SRGAP2: variants seen among roughly 807,000 people sequenced by gnomAD.
The protein encoded by SRGAP2 is SLIT-ROBO Rho GTPase-activating protein 2.
In SRGAP2, 15 loss-of-function variants were observed where a neutral mutation model predicts 57.2. The observed-to-expected ratio is 0.26, with a 90% CI of 0.18 to 0.40. The LOEUF is 0.40. Ranked by LOEUF, SRGAP2 falls within the 10% of genes least tolerant of loss-of-function variation. The pLI is 1.00. For synonymous variants in SRGAP2, 249 were observed against 248.0 expected, an observed-to-expected ratio of 1.00 and a Z score of -0.04; for missense variants, 520 against 669.6, an observed-to-expected ratio of 0.78 and a Z score of 2.47.
intron 3 of SRGAP2, among the ~76,000 whole-genome samples, chr1:206,332,614 T>C (rs1553332267): frequency 7.0e-6 from 1 of 142,826 alleles, no homozygotes; most frequent in Non-Finnish European, 1.5e-5. Flanking sequence ...CTCCTGAGGC[T>C]TCTGCATTCT....
intron 13 of SRGAP2, among the ~76,000 whole-genome samples, chr1:206,424,828 C>G (rs1452918195): frequency 2.6e-5 from 4 of 152,136 alleles, no homozygotes; most frequent in African/African-American, 9.7e-5. Context: ...GCGTTCAAAG[C>G]CTTTGTGACT....
chr1:206,241,173 G>C (rs544201483), intron 2 of SRGAP2, among the ~76,000 whole-genome samples: 33 of 152,296 alleles, frequency 2.2e-4, no homozygotes, highest in African/African-American at 7.5e-4. Flanking sequence ...GAAAGAGCAA[G>C]ACCCTGTCTC....
At position 206,393,545 on chromosome 1, in the gene SRGAP2, C is replaced by T. The variant is rs782293627; in HGVS notation, c.703C>T (p.Arg235Cys). ...VKKIEKMKEK[R>C]QAKYTENKLK... ...AAGTGAACTTCTGTTTCCTTTTCAG[C>T]GTCAAGCCAAGTACACGGAGAATAA... The change falls in exon 7 of 23, where the codon CGT (arginine) becomes TGT (cysteine). Residue 235 changes from arginine (R) to cysteine (C), a missense_variant and splice_region_variant. Arg to Cys is a radical substitution (Grantham distance 180). Coordinates refer to ENST00000573034, the MANE Select transcript of SRGAP2 (RefSeq NM_015326.5). The T allele has an allele frequency of 2.6e-6, 2 of 779,100 alleles. No homozygotes were observed. Among genetic ancestry groups the T allele is most frequent in the Middle Eastern group, 2.3e-4 (1 of 4,432 alleles). 48.3% of individuals were successfully genotyped at this position (779,100 alleles called of 1,614,324 possible).
At chr1:206,428,437 A>C (rs1553367138) in intron 13 of SRGAP2, among the ~76,000 whole-genome samples, 1 of 151,562 alleles carries the variant, frequency 6.6e-6, no homozygotes, top group African/African-American at 2.4e-5. Context: ...AAAAAAAAAA[A>C]AGAAAAAGAA....
At chr1:206,241,009 C>A (rs1369351390) in intron 2 of SRGAP2, among the ~76,000 whole-genome samples, 2 of 152,128 alleles carry the variant, frequency 1.3e-5, no homozygotes, top group East Asian at 3.9e-4. Context: ...CATAAGGAGA[C>A]CCCATCTCTA....
At chr1:206,351,259 A>G (rs1387329021) in intron 4 of SRGAP2, among the ~76,000 whole-genome samples, 2 of 151,362 alleles carry the variant, frequency 1.3e-5, no homozygotes, top group African/African-American at 4.9e-5. Flanking sequence ...TGTGGATTGA[A>G]TGAATGGAGG....
At chr1:206,411,368 A>G (rs540069645) in intron 10 of SRGAP2, among the ~76,000 whole-genome samples, 5 of 152,288 alleles carry the variant, frequency 3.3e-5, no homozygotes, top group Admixed American at 2.0e-4. Flanking sequence ...GTGGTCTGAG[A>G]TCTTTTTATC....
At chr1:206,428,979 A>T (rs1435866052) in intron 13 of SRGAP2, among the ~76,000 whole-genome samples, 5 of 152,142 alleles carry the variant, frequency 3.3e-5, no homozygotes, top group Non-Finnish European at 5.9e-5. Flanking sequence ...TATAATAATA[A>T]TAATATGTAC....
At chr1:206,417,689 G>A (rs1659861879) in intron 11 of SRGAP2, among the ~76,000 whole-genome samples, 1 of 152,006 alleles carries the variant, frequency 6.6e-6, no homozygotes, top group African/African-American at 2.4e-5. Context: ...CAAAGTGCTG[G>A]GATTACAGGT....
At chr1:206,210,671 G>A (rs9777903) in intron 2 of SRGAP2, among the ~76,000 whole-genome samples, 9,422 of 135,434 alleles carry the variant, frequency 0.07, 645 homozygotes, top group African/African-American at 0.19. Context: ...GGTCTGAGCA[G>A]TTTTTCATTC....
intron 2 of SRGAP2, among the ~76,000 whole-genome samples, chr1:206,286,741 A>G (rs1272439477): frequency 4.6e-5 from 7 of 151,432 alleles, no homozygotes; most frequent in Non-Finnish European, 5.9e-5. Flanking sequence ...AGAGCTAACC[A>G]CGTGACTGTG....
rs571141318 is a variant in SRGAP2, at chr1:206,253,135, G to T, written c.67+47098G>T. 6.0e-5 allele frequency among the ~76,000 whole-genome samples: 9 copies of T among 149,778 alleles called. No individual in the cohort carries two copies. The East Asian group carries it at 1.8e-3, about 30-fold the overall frequency. ...TGCTCTGGAGCTGTTGAGGTCGGGT[G>T]TCTGTCTGGATACTCACAGCTGGTC... On this transcript the variant is annotated intron_variant, in intron 2 of 22. Transcript: ENST00000573034.
chr1:206,437,906 C>G lies in SRGAP2; in HGVS notation c.1634-58C>G, dbSNP rs2103322565. 2.6e-6 allele frequency: 2 copies of G among 776,694 alleles called. 1 individual carries two copies. Among genetic ancestry groups the G allele is most frequent in the Non-Finnish European group, 4.8e-6 (2 of 416,274 alleles). The allele number at this position is 776,694 out of a possible 1,614,324, so 48.1% of individuals were successfully genotyped here. ...GGTTCACCCCTTCCCCACGTTCGTCCTGTGTGTTTTTGCCTCTCTCACTCT... is the reference window on the plus strand; with the variant it reads ...GGTTCACCCCTTCCCCACGTTCGTCGTGTGTGTTTTTGCCTCTCTCACTCT... On this transcript the variant is annotated intron_variant, in intron 15 of 22. Transcript: ENST00000573034.
intron 3 of SRGAP2, chr1:206,333,355 A>G (rs1341661132): frequency 8.9e-6 from 12 of 1,349,726 alleles, no homozygotes; most frequent in Non-Finnish European, 1.3e-5. Context: ...GAAGCAGACA[A>G]TCCAAGCATC....
At chr1:206,443,714 G>C (rs1662509917) in intron 17 of SRGAP2, among the ~76,000 whole-genome samples, 2 of 152,164 alleles carry the variant, frequency 1.3e-5, no homozygotes, top group African/African-American at 4.8e-5. Flanking sequence ...TAAAAATCCA[G>C]TTTTTTATAC....
chr1:206,460,886 A>C, intron 22 of SRGAP2, 151 bp from the exon 23 acceptor site: 1 of 457,346 alleles, frequency 2.2e-6, no homozygotes, highest in Non-Finnish European at 3.8e-6. Context: ...CTACTTCCTG[A>C]GCATTCATAT....
intron 17 of SRGAP2, among the ~76,000 whole-genome samples, chr1:206,444,267 T>C (rs1662561171): frequency 6.6e-6 from 1 of 152,112 alleles, no homozygotes; most frequent in East Asian, 1.9e-4. Context: ...TTCATCTGTA[T>C]TTTGATGGGA....
chr1:206,411,762 A>T (rs1458651826), intron 10 of SRGAP2, among the ~76,000 whole-genome samples: 1 of 152,232 alleles, frequency 6.6e-6, no homozygotes, highest in Non-Finnish European at 1.5e-5. Flanking sequence ...AGAGGTTTTT[A>T]AAAATGAAAT....
At chr1:206,417,817 C>T (rs782674085) in intron 11 of SRGAP2, among the ~76,000 whole-genome samples, 4 of 151,842 alleles carry the variant, frequency 2.6e-5, no homozygotes, top group Non-Finnish European at 4.4e-5. Flanking sequence ...TCAGACTAAA[C>T]AAGTTTGGGC....
Sources: gnomAD v4.1 joint callset for allele counts (sites outside exome capture counted in the v4.1 genomes callset) on GRCh38, gnomAD v4.1.1 for gene constraint, MANE v1.5 for transcripts, NCBI Gene and HGNC (gene_info 2026-07-23, HGNC 2026-07-21) for gene names.